The following BARD1 variants were observed in gnomAD, a reference collection of about 807,000 sequenced individuals.
BARD1 encodes the protein BRCA1 associated RING domain 1, also known as BRCA1-associated RING domain protein 1.
In BARD1, 73 loss-of-function variants were observed where a neutral mutation model predicts 77.0. That is an observed-to-expected ratio of 0.95 (90% CI 0.79 to 1.15). BARD1 has a LOEUF of 1.15. Ranked by LOEUF, BARD1 falls within the 50% of genes most tolerant of loss-of-function variation. The pLI is 0.00. For missense variants in BARD1, 993 were observed against 938.8 expected (o/e 1.06, Z -0.75); for synonymous variants, 384 against 338.0 (o/e 1.14, Z -1.49).
intron 4 of BARD1, among the ~76,000 whole-genome samples, chr2:214,771,943 A>G (rs866764199): frequency 2.4e-4 from 35 of 143,420 alleles, no homozygotes; most frequent in Admixed American, 7.0e-4. Context: ...AAAAAAAAAA[A>G]GCAACATTTT....
chr2:214,798,014 T>A (rs1695835673), intron 1 of BARD1, among the ~76,000 whole-genome samples: 1 of 152,150 alleles, frequency 6.6e-6, no homozygotes, highest in African/African-American at 2.4e-5. Flanking sequence ...TTTTAAATGA[T>A]GAGCACTTTT....
chr2:214,771,307 G>C (rs964149187), intron 4 of BARD1, among the ~76,000 whole-genome samples: 23 of 152,106 alleles, frequency 1.5e-4, no homozygotes, highest in Non-Finnish European at 8.8e-5. Flanking sequence ...TGCTTCTTTA[G>C]TGAATAAATC....
At chr2:214,796,590 G>A (rs1347468095) in intron 2 of BARD1, among the ~76,000 whole-genome samples, 6 of 152,130 alleles carry the variant, frequency 3.9e-5, no homozygotes, top group Admixed American at 2.0e-4. Context: ...AACCAACCCT[G>A]TCATCATCTT....
intron 3 of BARD1, among the ~76,000 whole-genome samples, chr2:214,791,277 G>A (rs1003269217): frequency 1.3e-5 from 2 of 152,184 alleles, no homozygotes; most frequent in African/African-American, 4.8e-5. Flanking sequence ...CCTGTGGTAA[G>A]ACTCAAAGTT....
chr2:214,742,335 A>C (rs1229254650), intron 9 of BARD1, among the ~76,000 whole-genome samples: 1 of 152,212 alleles, frequency 6.6e-6, no homozygotes, highest in African/African-American at 2.4e-5. Context: ...CTCTTAAAAA[A>C]CAAACAAAGA....
intron 3 of BARD1, among the ~76,000 whole-genome samples, chr2:214,785,253 G>C (rs1473235539): frequency 6.6e-6 from 1 of 151,924 alleles, no homozygotes; most frequent in Non-Finnish European, 1.5e-5. Context: ...GAGTGTAGAG[G>C]AAAAGTTTTT....
Position 214,745,673 on chromosome 2 carries a change from T to C in BARD1, c.1810+49A>G, listed in dbSNP as rs184213527. The C allele has an allele frequency of 1.3e-6, 2 of 1,599,544 alleles. No individual in the cohort carries two copies. Among genetic ancestry groups the C allele is most frequent in the East Asian group, 4.5e-5 (2 of 44,770 alleles). On this transcript the variant is annotated intron_variant, in intron 8 of 10. Coordinates refer to ENST00000260947, the MANE Select transcript of BARD1 (RefSeq NM_000465.4). The stretch of plus-strand genomic sequence containing the variant: ...CAAAGGTAGTTCTCCAAAAGGATCA[T>C]CTATTTAACATTTTTTCTACCCCAC...
chr2:214,733,381 T>G (rs1574713015), intron 9 of BARD1, among the ~76,000 whole-genome samples: 1 of 152,212 alleles, frequency 6.6e-6, no homozygotes, highest in African/African-American at 2.4e-5. Flanking sequence ...AAAGCATATA[T>G]GAAGATAATT....
At chr2:214,798,751 G>A (rs780495305) in intron 1 of BARD1, among the ~76,000 whole-genome samples, 4 of 128,694 alleles carry the variant, frequency 3.1e-5, no homozygotes, top group Admixed American at 8.8e-5. Flanking sequence ...CTCAGGCTGC[G>A]AATAACCACT....
intron 3 of BARD1, 84 bp downstream of exon 3, chr2:214,792,213 T>A: frequency 7.8e-7 from 1 of 1,274,910 alleles, no homozygotes; most frequent in Non-Finnish European, 1.1e-6. Flanking sequence ...GAACTCCAGA[T>A]AGATGTTTTA....
intron 1 of BARD1, among the ~76,000 whole-genome samples, chr2:214,802,975 C>G (rs1696093289): frequency 6.6e-6 from 1 of 152,142 alleles, no homozygotes; most frequent in African/African-American, 2.4e-5. Context: ...TTATTCTGTA[C>G]TAAGAAAAAT....
In BARD1 at chr2:214,726,262, G is replaced by A. The variant is rs1314744046; in HGVS notation, c.*2414C>T. 5.0e-6 allele frequency: 1 copy of A among 201,514 alleles called. No individual in the cohort carries two copies. The highest frequency in any genetic ancestry group is 2.3e-5 in the African/African-American group (1 of 43,594). 12.5% of individuals were successfully genotyped at this position (201,514 alleles called of 1,614,324 possible). The stretch of plus-strand genomic sequence containing the variant: ...ATAGATATGGTAAAGTATTAGCAGA[G>A]ACAGAAAAATAGCTACAAAGTGGCA... On this transcript the variant is annotated 3_prime_UTR_variant, in exon 11 of 11. Transcript: ENST00000260947.
At chr2:214,729,113 C>G in intron 10 of BARD1, 105 bp from the exon 11 acceptor site, 1 of 1,315,212 alleles carries the variant, frequency 7.6e-7, no homozygotes, top group Non-Finnish European at 1.1e-6. Context: ...TATCCCTTAC[C>G]TGAAACATTT....
At chr2:214,803,907 T>A (rs116093747) in intron 1 of BARD1, among the ~76,000 whole-genome samples, 2,284 of 152,332 alleles carry the variant, frequency 0.015, 63 homozygotes, top group African/African-American at 0.052. Flanking sequence ...AGAACAATTT[T>A]TTTTAAAGTT....
At chr2:214,729,483 G>A (rs1195139503) in intron 10 of BARD1, among the ~76,000 whole-genome samples, 2 of 152,114 alleles carry the variant, frequency 1.3e-5, no homozygotes, top group Non-Finnish European at 2.9e-5. Context: ...GAGGTGCTGG[G>A]ACAAGTTATA....
intron 6 of BARD1, among the ~76,000 whole-genome samples, chr2:214,761,702 T>C (rs1693972611): frequency 6.6e-6 from 1 of 151,870 alleles, no homozygotes; most frequent in African/African-American, 2.4e-5. Context: ...TAAAATAAAA[T>C]ACAGTCTTGT....
rs769959178 is a variant in BARD1 at position 214,781,521 on chromosome 2, A to G, written c.365-12T>C. The G allele has an allele frequency of 6.3e-7, 1 of 1,598,688 alleles. No homozygotes were observed. Reference sequence around the variant, plus strand: ...ATCTTCTTTCAAATCTGACAGAAAAAAAGAAAAAGAAATCTGTTACATGAA... The same window carrying G: ...ATCTTCTTTCAAATCTGACAGAAAAGAAGAAAAAGAAATCTGTTACATGAA... On this transcript the variant is annotated splice_polypyrimidine_tract_variant and intron_variant, in intron 3 of 10. Coordinates refer to ENST00000260947, the MANE Select transcript of BARD1 (RefSeq NM_000465.4).
intron 3 of BARD1, among the ~76,000 whole-genome samples, chr2:214,789,935 A>AGC (rs1695440316): frequency 6.6e-6 from 1 of 152,166 alleles, no homozygotes; most frequent in Admixed American, 6.6e-5. Flanking sequence ...TTGGGAAATT[A>AGC]ATCAGTAGAA....
At position 214,781,109 on chromosome 2, in the gene BARD1, A is replaced by G. The variant is rs754775017; in HGVS notation, c.765T>C (p.Asn255=). The G allele has an allele frequency of 1.3e-6, 2 of 1,582,258 alleles. No homozygotes were observed. The highest frequency in any genetic ancestry group is 3.7e-5 in the Admixed American group (2 of 54,222). ...CACTTGCTAGTAAGTCTATTTCACC[A>G]TTTATCTGAGGACTGGAGATAACAG... is the stretch of plus-strand genomic sequence containing the variant. ...QPSVISSPQI[N]GEIDLLASGS... Residue 255 remains asparagine (N), a synonymous_variant, in exon 4 of 11, where the codon AAT becomes AAC. Transcript: ENST00000260947.
Sources: gnomAD v4.1 joint callset for allele counts (sites outside exome capture counted in the v4.1 genomes callset) on GRCh38, gnomAD v4.1.1 for gene constraint, MANE v1.5 for transcripts, NCBI Gene and HGNC (gene_info 2026-07-23, HGNC 2026-07-21) for gene names.